The following ADORA2A variants were observed in gnomAD, a reference collection of about 807,000 sequenced individuals.
The protein encoded by ADORA2A is adenosine A2a receptor.
ADORA2A carries 11 observed loss-of-function variants against 18.4 expected under a neutral mutation model. The ratio of observed to expected loss-of-function variants is 0.60; its 90% confidence interval spans 0.38 to 0.99. The LOEUF is 0.99. Ranked by LOEUF, ADORA2A falls within the 50% of genes least tolerant of loss-of-function variation. The pLI is 0.01. For missense variants in ADORA2A, 449 were observed against 556.1 expected, an observed-to-expected ratio of 0.81 and a Z score of 1.94; for synonymous variants, 218 against 237.3, an observed-to-expected ratio of 0.92 and a Z score of 0.75.
rs367994827 is a variant in ADORA2A, at chr22:24,430,440, G to A, written c.-274-2691G>A. On this transcript the variant is annotated intron_variant, in intron 1 of 2. Transcript: ENST00000337539. The stretch of plus-strand genomic sequence containing the variant: ...GTCAAGAAGGTTATCGGTATCTAGT[G>A]CTGTTTAGCATGGGGACCCACAGCA... 2.6e-5 allele frequency: 4 copies of A among 153,858 alleles called. No homozygotes were observed. The East Asian group carries it at 5.8e-4, about 22-fold the overall frequency. 9.5% of individuals were successfully genotyped at this position (153,858 alleles called of 1,614,324 possible).
chr22:24,440,492 T>A, intron 2 of ADORA2A, 91 bp from the exon 3 acceptor site: 1 of 1,289,330 alleles, frequency 7.8e-7, no homozygotes, highest in South Asian at 1.4e-5. Flanking sequence ...AGTCAGGAAA[T>A]GTGGAAACGG....
At position 24,433,671 on chromosome 22, in the gene ADORA2A, G is replaced by C. The variant is rs780974436; in HGVS notation, c.267G>C (p.Gln89His). Residue 89 changes from glutamine (Q) to histidine (H), a missense_variant, in exon 2 of 3, where the codon CAG (glutamine) becomes CAC (histidine). Physicochemically the swap from Gln to His is conservative, Grantham distance 24 (BLOSUM62 0). Coordinates refer to ENST00000337539, the MANE Select transcript of ADORA2A (RefSeq NM_000675.6). ...CCTGCTTCGTCCTGGTCCTCACGCA[G>C]AGCTCCATCTTCAGTCTCCTGGCCA... ...FIACFVLVLT[Q>H]SSIFSLLAIA... The C allele has an allele frequency of 1.2e-6, 2 of 1,612,420 alleles. No individual in the cohort carries two copies. Among genetic ancestry groups the C allele is most frequent in the African/African-American group, 2.7e-5 (2 of 74,952 alleles).
chr22:24,440,570 C>A lies in ADORA2A; in HGVS notation c.333-13C>A. ...GGCTTCTCAGATCTCTGATGCTGGT[C>A]TCTTCTCCCCAGGTACAATGGCTTG... On this transcript the variant is annotated splice_polypyrimidine_tract_variant and intron_variant, in intron 2 of 2. Transcript: ENST00000337539. The A allele has an allele frequency of 1.3e-6, 2 of 1,537,072 alleles. No homozygotes were observed. The highest frequency in any genetic ancestry group is 1.8e-6 in the Non-Finnish European group (2 of 1,141,724).
upstream of ADORA2A, among the ~76,000 whole-genome samples, chr22:24,425,900 A>G (rs986211593): frequency 6.6e-6 from 1 of 152,242 alleles, no homozygotes; most frequent in Non-Finnish European, 1.5e-5. Flanking sequence ...TAATGTGGAA[A>G]GGCCTTGGCT....
chr22:24,441,671 G>A lies in ADORA2A; in HGVS notation c.*182G>A. ...GCATGAGGCCCAGCAAGAAGGGCTT[G>A]GGTTCTGAGGAAGCAGATGTTTCAT... is the stretch of plus-strand genomic sequence containing the variant. On this transcript the variant is annotated 3_prime_UTR_variant, in exon 3 of 3. Coordinates refer to ENST00000337539, the MANE Select transcript of ADORA2A (RefSeq NM_000675.6). 1.9e-6 allele frequency: 1 copy of A among 539,426 alleles called. No individual in the cohort carries two copies. Among genetic ancestry groups the A allele is most frequent in the Non-Finnish European group, 3.0e-6 (1 of 333,600 alleles). 33.4% of individuals were successfully genotyped at this position (539,426 alleles called of 1,614,324 possible).
At position 24,441,123 on chromosome 22, in the gene ADORA2A, T is replaced by C. The variant is rs370669844; in HGVS notation, c.873T>C (p.Arg291=). Residue 291 remains arginine (R), a synonymous_variant, in exon 3 of 3, where the codon CGT becomes CGC. Transcript: ENST00000337539. ...SVVNPFIYAY[R]IREFRQTFRK... ...TGAATCCCTTCATCTACGCCTACCG[T>C]ATCCGCGAGTTCCGCCAGACCTTCC... 6 of 1,614,038 alleles carry C rather than the reference T, an allele frequency of 3.7e-6. No homozygotes were observed. The African/African-American group carries it at 6.7e-5, about 18-fold the overall frequency.
At chr22:24,437,490 C>G (rs2043209366) in intron 2 of ADORA2A, among the ~76,000 whole-genome samples, 1 of 152,086 alleles carries the variant, frequency 6.6e-6, no homozygotes, top group African/African-American at 2.4e-5. Context: ...GTCCAGGGCT[C>G]TCAGCCTATG....
At chr22:24,427,865 T>C (rs1375871061) in intron 1 of ADORA2A, 119 bp downstream of exon 1, 1 of 152,388 alleles carries the variant, frequency 6.6e-6, no homozygotes, top group Non-Finnish European at 1.5e-5. Context: ...GGGGCTGCGA[T>C]GTGGGGGCTG....
intron 1 of ADORA2A, among the ~76,000 whole-genome samples, chr22:24,430,699 C>T (rs2043010239): frequency 6.6e-6 from 1 of 152,224 alleles, no homozygotes; most frequent in African/African-American, 2.4e-5. Context: ...TATGTTCCAC[C>T]TTGTTTGCCC....
Position 24,441,471 on chromosome 22 carries a change from T to C in ADORA2A, c.1221T>C (p.Asp407=). 1 of 1,517,844 alleles carries C rather than the reference T, an allele frequency of 6.6e-7. No homozygotes were observed. Among genetic ancestry groups the C allele is most frequent in the Non-Finnish European group, 8.8e-7 (1 of 1,135,056 alleles). 94.0% of individuals were successfully genotyped at this position (1,517,844 alleles called of 1,614,324 possible). ...PPGLDDPLAQ[D]GAGVS ...GCCTAGATGACCCCCTGGCCCAGGA[T>C]GGAGCAGGAGTGTCCTGATGATTCA... The change falls in exon 3 of 3, where the codon GAT becomes GAC. Residue 407 remains aspartate (D), a synonymous_variant. Coordinates refer to ENST00000337539, the MANE Select transcript of ADORA2A (RefSeq NM_000675.6).
Position 24,431,207 on chromosome 22 carries a change from C to G in ADORA2A, c.-274-1924C>G, listed in dbSNP as rs896158082. On this transcript the variant is annotated intron_variant, in intron 1 of 2. Coordinates refer to ENST00000337539, the MANE Select transcript of ADORA2A (RefSeq NM_000675.6). The stretch of plus-strand genomic sequence containing the variant: ...CATGGAAAGCAGGGGCTTGGGAGGA[C>G]TCGGCCCTCTCCAGCTGCTGCAGGC... 5 of 456,742 alleles carry G rather than the reference C, an allele frequency of 1.1e-5. No homozygotes were observed. The Admixed American group carries it at 1.2e-4, about 11-fold the overall frequency. 28.3% of individuals were successfully genotyped at this position (456,742 alleles called of 1,614,324 possible). A position where few individuals can be genotyped will look rare whatever the true frequency, so the allele number is the denominator to read the frequency against.
At chr22:24,425,904 C>A (rs950589570), upstream of ADORA2A, among the ~76,000 whole-genome samples, 9 of 152,198 alleles carry the variant, frequency 5.9e-5, no homozygotes, top group African/African-American at 2.2e-4. Context: ...GTGGAAAGGC[C>A]TTGGCTTGGG....
At chr22:24,436,411 A>T (rs547667797) in intron 2 of ADORA2A, among the ~76,000 whole-genome samples, 155 of 151,734 alleles carry the variant, frequency 1.0e-3, no homozygotes, top group Middle Eastern at 6.8e-3. Flanking sequence ...CTTTTTTTTT[A>T]AAAAAAAGAA....
chr22:24,439,628 T>A (rs2043282106), intron 2 of ADORA2A: 1 of 144,550 alleles, frequency 6.9e-6, no homozygotes, highest in African/African-American at 2.5e-5. Flanking sequence ...TTAGGGAGAC[T>A]TTTTTTTTTT....
At chr22:24,430,975 C>T (rs936274111) in intron 1 of ADORA2A, 5 of 372,720 alleles carry the variant, frequency 1.3e-5, no homozygotes, top group East Asian at 7.3e-5. Context: ...GGAGGCAGCC[C>T]GGGGCCAGCA....
chr22:24,434,904 G>A (rs1421587467), intron 2 of ADORA2A, among the ~76,000 whole-genome samples: 2 of 152,232 alleles, frequency 1.3e-5, no homozygotes, highest in African/African-American at 2.4e-5. Flanking sequence ...AGTTGGTAGT[G>A]GAGCTGGGGC....
upstream of ADORA2A, chr22:24,424,685 G>A (rs1356535176): frequency 1.3e-5 from 2 of 152,736 alleles, no homozygotes; most frequent in Non-Finnish European, 2.9e-5. The surrounding 1 kb of genome is among the most constrained non-coding windows in gnomAD (Gnocchi z 4.9). Context: ...GGACCCAGGA[G>A]ACGACGGGGG....
rs199767901 is a variant in ADORA2A at position 24,440,845 on chromosome 22, C to T, written c.595C>T (p.Arg199Trp). The T allele has an allele frequency of 1.9e-5, 30 of 1,614,052 alleles. No individual in the cohort carries two copies. Among genetic ancestry groups the T allele is most frequent in the Admixed American group, 1.0e-4 (6 of 60,004 alleles). The change falls in exon 3 of 3, where the codon CGG becomes TGG. Residue 199 changes from arginine to tryptophan, a missense_variant. Physicochemically the swap from Arg to Trp is moderately radical, Grantham distance 101 (BLOSUM62 -3). Transcript: ENST00000337539. ...GCTGCTCATGCTGGGTGTCTATTTG[C>T]GGATCTTCCTGGCGGCGCGACGACA... ...PLLLMLGVYLRIFLAARRQLK... is the reference protein window; with the variant it reads ...PLLLMLGVYLWIFLAARRQLK...
At chr22:24,427,338 C>T (rs1008309354), upstream of ADORA2A, among the ~76,000 whole-genome samples, 3 of 152,156 alleles carry the variant, frequency 2.0e-5, no homozygotes, top group Non-Finnish European at 2.9e-5. Flanking sequence ...CGGTCCTCAC[C>T]CCTCCCATCC....
Sources: allele counts gnomAD v4.1 joint callset (sites outside exome capture counted in the v4.1 genomes callset), GRCh38; gene constraint gnomAD v4.1.1; non-coding constraint Gnocchi (gnomAD v3.1); transcripts MANE v1.5; gene names NCBI Gene and HGNC (gene_info 2026-07-23, HGNC 2026-07-21).